ITGA8: variants seen among roughly 807,000 people sequenced by gnomAD.
The protein encoded by ITGA8 is integrin subunit alpha 8, also known as integrin alpha-8.
In ITGA8, 91 loss-of-function variants were observed where a neutral mutation model predicts 142.3. The ratio of observed to expected loss-of-function variants is 0.64; its 90% confidence interval spans 0.54 to 0.76. ITGA8 has a LOEUF of 0.76. Among genes scored for constraint, ITGA8 ranks in the 30% least tolerant of loss-of-function variants. The pLI, the probability that ITGA8 is intolerant of heterozygous loss-of-function variation, is 0.00. For synonymous variants in ITGA8, 505 were observed against 485.2 expected, an observed-to-expected ratio of 1.04 and a Z score of -0.54; for missense variants, 1,406 against 1,327.7, an observed-to-expected ratio of 1.06 and a Z score of -0.92.
chr10:15,645,717 G>C (rs564164104), intron 12 of ITGA8, among the ~76,000 whole-genome samples: 1 of 152,224 alleles, frequency 6.6e-6, no homozygotes, highest in African/African-American at 2.4e-5. Context: ...TTACTTCCTT[G>C]AGTTCAATCA....
At chr10:15,624,508 T>G (rs557677244) in intron 13 of ITGA8, among the ~76,000 whole-genome samples, 1 of 152,316 alleles carries the variant, frequency 6.6e-6, no homozygotes, top group East Asian at 1.9e-4. Context: ...GGACTCCTTG[T>G]GCCTCCACTG....
At chr10:15,539,962 G>A (rs1833535722) in intron 27 of ITGA8, among the ~76,000 whole-genome samples, 1 of 152,014 alleles carries the variant, frequency 6.6e-6, no homozygotes, top group Non-Finnish European at 1.5e-5. Flanking sequence ...TTTATAAATG[G>A]GAGTTCCCCT....
intron 3 of ITGA8, 118 bp from the exon 4 acceptor site, chr10:15,684,245 A>G (rs1834795776): frequency 2.8e-6 from 3 of 1,069,108 alleles, no homozygotes; most frequent in Non-Finnish European, 4.0e-6. Context: ...ATTGGCCTCT[A>G]GCATGCTAAT....
In ITGA8 at chr10:15,608,277, C is replaced by T. The variant is rs759457352; in HGVS notation, c.1567G>A (p.Val523Ile). Residue 523 changes from valine to isoleucine, a missense_variant, in exon 16 of 30, where the codon GTA (valine) becomes ATA (isoleucine). Val to Ile is a conservative substitution (Grantham distance 29). Coordinates refer to ENST00000378076, the MANE Select transcript of ITGA8 (RefSeq NM_003638.3). ...MTSAACFSLR[V>I]CASVTGQSIA... is the part of the protein sequence containing the mutation. ...CTCTGGCCTGTGACAGATGCACATA[C>T]TCTTAAAGAAAAGCTATAGAAAATA... is the stretch of plus-strand genomic sequence containing the variant. The T allele has an allele frequency of 2.5e-6, 4 of 1,591,128 alleles. No individual in the cohort carries two copies. The highest frequency in any genetic ancestry group is 1.8e-5 in the Admixed American group (1 of 54,646).
At chr10:15,617,698 G>C in intron 13 of ITGA8, among the ~76,000 whole-genome samples, 1 of 152,044 alleles carries the variant, frequency 6.6e-6, no homozygotes, top group East Asian at 1.9e-4. Context: ...TGCACCTGGC[G>C]GGCTTTTCTT....
chr10:15,700,234 C>T (rs376684689), intron 2 of ITGA8, among the ~76,000 whole-genome samples: 35 of 152,266 alleles, frequency 2.3e-4, no homozygotes, highest in African/African-American at 6.0e-4. Context: ...CATTTCTTCC[C>T]GGTGATTTAT....
intron 25 of ITGA8, among the ~76,000 whole-genome samples, chr10:15,559,551 C>T (rs1018629145): frequency 6.6e-6 from 1 of 151,934 alleles, no homozygotes; most frequent in Non-Finnish European, 1.5e-5. Flanking sequence ...TTTATACAAG[C>T]CCAAGGAAAA....
chr10:15,707,824 A>G (rs1835287877), intron 2 of ITGA8, among the ~76,000 whole-genome samples: 3 of 151,194 alleles, frequency 2.0e-5, no homozygotes, highest in Non-Finnish European at 3.0e-5. Flanking sequence ...TTCCTTCTAA[A>G]AAAAAAAAAA....
intron 27 of ITGA8, among the ~76,000 whole-genome samples, chr10:15,547,594 A>G (rs1833701618): frequency 6.6e-6 from 1 of 152,108 alleles, no homozygotes; most frequent in South Asian, 2.1e-4. Flanking sequence ...ACAACAAAAA[A>G]AAGTGCACAA....
chr10:15,615,936 T>C (rs1833384344), intron 14 of ITGA8, among the ~76,000 whole-genome samples: 1 of 152,266 alleles, frequency 6.6e-6, no homozygotes, highest in Non-Finnish European at 1.5e-5. Flanking sequence ...TTATAAATGT[T>C]GTTTTTATCC....
At chr10:15,584,761 G>A (rs766049424) in intron 23 of ITGA8, among the ~76,000 whole-genome samples, 1 of 151,948 alleles carries the variant, frequency 6.6e-6, no homozygotes, top group East Asian at 1.9e-4. Context: ...AATAAATTAT[G>A]GTATATTTTG....
At chr10:15,615,417 G>T (rs1181176545) in intron 14 of ITGA8, among the ~76,000 whole-genome samples, 1 of 152,196 alleles carries the variant, frequency 6.6e-6, no homozygotes, top group Non-Finnish European at 1.5e-5. Flanking sequence ...AGCCGATTAG[G>T]TTAGCACTAT....
intron 15 of ITGA8, among the ~76,000 whole-genome samples, chr10:15,609,431 A>G (rs17137579): frequency 0.018 from 2,674 of 152,290 alleles, 63 homozygotes; most frequent in African/African-American, 0.061. Context: ...CCTGTGTCAA[A>G]TATAATGAAA....
intron 15 of ITGA8, among the ~76,000 whole-genome samples, chr10:15,612,195 C>A (rs899734300): frequency 1.2e-4 from 18 of 152,270 alleles, no homozygotes; most frequent in Admixed American, 3.3e-4. Flanking sequence ...AGGATGCTCT[C>A]CCGCCACACT....
At chr10:15,687,349 C>A (rs938374248) in intron 3 of ITGA8, among the ~76,000 whole-genome samples, 2 of 152,032 alleles carry the variant, frequency 1.3e-5, no homozygotes, top group African/African-American at 4.8e-5. Flanking sequence ...TAGTCATTTT[C>A]TTCTCGGTAA....
At chr10:15,591,625 C>T (rs915771807) in intron 22 of ITGA8, among the ~76,000 whole-genome samples, 6 of 151,994 alleles carry the variant, frequency 3.9e-5, no homozygotes, top group African/African-American at 1.5e-4. Context: ...AAGGAGCAGA[C>T]AGAATAGGTG....
At position 15,619,535 on chromosome 10, in the gene ITGA8, A is replaced by C. The variant is rs1438057805; in HGVS notation, c.1400-2976T>G. 2.0e-5 allele frequency among the ~76,000 whole-genome samples: 3 copies of C among 152,358 alleles called. No homozygotes were observed. The East Asian group carries it at 5.8e-4, about 29-fold the overall frequency. On this transcript the variant is annotated intron_variant, in intron 13 of 29. Transcript: ENST00000378076. ...GCTACACCTTGGCCACCTAGGACTCATGGAATAAAACATTCTTTTGTAAGG... is the reference window on the plus strand; with the variant it reads ...GCTACACCTTGGCCACCTAGGACTCCTGGAATAAAACATTCTTTTGTAAGG...
intron 2 of ITGA8, among the ~76,000 whole-genome samples, chr10:15,709,288 C>G (rs565450178): frequency 1.3e-5 from 2 of 152,228 alleles, no homozygotes; most frequent in Non-Finnish European, 2.9e-5. Context: ...CGAAACTTCT[C>G]ACTTTTCTCT....
intron 22 of ITGA8, among the ~76,000 whole-genome samples, chr10:15,588,408 G>C (rs1479127307): frequency 6.6e-6 from 1 of 152,192 alleles, no homozygotes; most frequent in Non-Finnish European, 1.5e-5. Flanking sequence ...CTGAACCCCA[G>C]TTTCCAGGCC....
Sources: gnomAD v4.1 joint callset for allele counts (sites outside exome capture counted in the v4.1 genomes callset) on GRCh38, gnomAD v4.1.1 for gene constraint, MANE v1.5 for transcripts, NCBI Gene and HGNC (gene_info 2026-07-23, HGNC 2026-07-21) for gene names.